CAPZA2: variants seen among roughly 807,000 people sequenced by gnomAD.
CAPZA2 encodes the protein capping actin protein of muscle Z-line subunit alpha 2.
CAPZA2 carries 13 observed loss-of-function variants against 44.0 expected under a neutral mutation model. The observed-to-expected ratio is 0.30, with a 90% CI of 0.19 to 0.47. CAPZA2 has a LOEUF of 0.47. Among genes scored for constraint, CAPZA2 ranks in the 20% least tolerant of loss-of-function variants. The pLI is 1.00. For missense variants in CAPZA2, 244 were observed against 338.6 expected (o/e 0.72, Z 2.19); for synonymous variants, 94 against 108.2 (o/e 0.87, Z 0.81).
chr7:116,911,719 G>A (rs900700785), intron 7 of CAPZA2, among the ~76,000 whole-genome samples: 4 of 152,160 alleles, frequency 2.6e-5, no homozygotes, highest in Non-Finnish European at 5.9e-5. Flanking sequence ...GAATTAAATG[G>A]TTGGTGGAAA....
Position 116,862,626 on chromosome 7 carries a change from G to T in CAPZA2, c.15G>T (p.Glu5Asp). The T allele has an allele frequency of 6.5e-7, 1 of 1,540,284 alleles. No homozygotes were observed. Residue 5 changes from glutamate (E) to aspartate (D), a missense_variant, in exon 1 of 10, where the codon GAG becomes GAT. Glu to Asp is a conservative substitution (Grantham distance 45, BLOSUM62 2). Coordinates refer to ENST00000361183, the MANE Select transcript of CAPZA2 (RefSeq NM_006136.3). Reference protein sequence around the residue: MADLEEQLSDEEKVR... With the variant: MADLDEQLSDEEKVR... ...CCAGAAGGAAGATGGCGGATCTGGAGGAGCAGTTGTCTGATGAAGAGAAGG... is the reference window on the plus strand; with the variant it reads ...CCAGAAGGAAGATGGCGGATCTGGATGAGCAGTTGTCTGATGAAGAGAAGG...
chr7:116,889,464 G>A (rs1017439519), intron 2 of CAPZA2, among the ~76,000 whole-genome samples: 18 of 151,390 alleles, frequency 1.2e-4, no homozygotes, highest in African/African-American at 4.1e-4. Context: ...GCTCACTCCT[G>A]TAATCCCAAC....
intron 1 of CAPZA2, among the ~76,000 whole-genome samples, chr7:116,864,604 G>A (rs569212355): frequency 2.6e-5 from 4 of 152,178 alleles, no homozygotes; most frequent in African/African-American, 7.2e-5. Context: ...AAATTTTAAC[G>A]TTCTTGTCAC....
intron 6 of CAPZA2, among the ~76,000 whole-genome samples, chr7:116,907,909 A>G (rs1469523950): frequency 6.6e-6 from 1 of 152,168 alleles, no homozygotes; most frequent in Admixed American, 6.6e-5. Flanking sequence ...ATATGCTTTG[A>G]TATGATTTTT....
intron 1 of CAPZA2, among the ~76,000 whole-genome samples, chr7:116,877,414 C>T (rs549013555): frequency 2.0e-5 from 3 of 152,194 alleles, no homozygotes; most frequent in African/African-American, 7.2e-5. Flanking sequence ...ATATGGCAAG[C>T]GGGAAGACGA....
intron 1 of CAPZA2, among the ~76,000 whole-genome samples, chr7:116,870,673 A>G (rs894688051): frequency 6.6e-6 from 1 of 152,164 alleles, no homozygotes; most frequent in Admixed American, 6.5e-5. Context: ...ATGAGTCTAG[A>G]TAGATTAGAG....
At chr7:116,913,444 A>G (rs1050212212) in intron 8 of CAPZA2, among the ~76,000 whole-genome samples, 1 of 149,718 alleles carries the variant, frequency 6.7e-6, no homozygotes, top group African/African-American at 2.4e-5. Flanking sequence ...ACTGTATCCT[A>G]TCTTTTCATT....
At chr7:116,914,026 T>A (rs1015642813) in intron 8 of CAPZA2, among the ~76,000 whole-genome samples, 27 of 93,560 alleles carry the variant, frequency 2.9e-4, no homozygotes, top group South Asian at 1.1e-3. Flanking sequence ...TTAAAGAAAA[T>A]TTTTTTTTTT....
At chr7:116,881,466 A>G (rs527594148) in intron 1 of CAPZA2, among the ~76,000 whole-genome samples, 26 of 152,232 alleles carry the variant, frequency 1.7e-4, no homozygotes, top group South Asian at 2.1e-4. Context: ...CAGGCTGGGC[A>G]CAGTGGCTCA....
intron 7 of CAPZA2, among the ~76,000 whole-genome samples, chr7:116,910,990 CAAAAAAAAAAA>C (rs57772383): frequency 5.9e-5 from 3 of 50,608 alleles, no homozygotes; most frequent in Non-Finnish European, 1.2e-4. Flanking sequence ...GACTCCGTCT[CAAAAAAAAAAA>C]AAAAAAAAAA....
rs929094764 is a variant in CAPZA2 at position 116,917,861 on chromosome 7, T to C, written c.855T>C (p.Asn285=). 2.5e-6 allele frequency: 4 copies of C among 1,612,850 alleles called. No individual in the cohort carries two copies. The highest frequency in any genetic ancestry group is 3.4e-6 in the Non-Finnish European group (4 of 1,178,844). Reference sequence around the variant, plus strand: ...ACAAGATTGGCAAAGAGATGCAGAATGCATAAGATGAACATTGCATGACCG... The same window carrying C: ...ACAAGATTGGCAAAGAGATGCAGAACGCATAAGATGAACATTGCATGACCG... ...LSYKIGKEMQ[N]A Residue 285 remains asparagine, a synonymous_variant, in exon 10 of 10, where the codon AAT becomes AAC. Transcript: ENST00000361183.
In CAPZA2 at chr7:116,898,816, T is replaced by A; in HGVS notation, c.200T>A (p.Ile67Asn). 6.3e-7 allele frequency: 1 copy of A among 1,596,726 alleles called. No individual in the cohort carries two copies. Residue 67 changes from isoleucine to asparagine, a missense_variant, in exon 4 of 10, where the codon ATT becomes AAT. Transcript: ENST00000361183. ...YNLDQFTPVK[I>N]EGYEDQVLIT... ...TTGGACCAGTTTACTCCAGTAAAAATTGAAGGTTATGAAGATCAGGTATGT... is the reference window on the plus strand; with the variant it reads ...TTGGACCAGTTTACTCCAGTAAAAAATGAAGGTTATGAAGATCAGGTATGT...
At chr7:116,863,006 A>G (rs1412665228) in intron 1 of CAPZA2, among the ~76,000 whole-genome samples, 11 of 152,006 alleles carry the variant, frequency 7.2e-5, no homozygotes, top group Admixed American at 7.2e-4. Flanking sequence ...GGGGCCGGGG[A>G]CCGGGGACCA....
intron 9 of CAPZA2, 47 bp from the exon 10 acceptor site, chr7:116,917,680 T>G: frequency 1.5e-6 from 2 of 1,342,212 alleles, no homozygotes; most frequent in Non-Finnish European, 2.1e-6. Context: ...TTATAAATTG[T>G]TCTGTTCTTT....
intron 3 of CAPZA2, among the ~76,000 whole-genome samples, chr7:116,897,405 A>C (rs1381099175): frequency 6.6e-6 from 1 of 152,152 alleles, no homozygotes; most frequent in South Asian, 2.1e-4. Context: ...AGCATGTAGT[A>C]TCAAGAATTT....
intron 6 of CAPZA2, 160 bp from the exon 7 acceptor site, chr7:116,910,073 C>T (rs1791570712): frequency 4.7e-6 from 3 of 642,944 alleles, no homozygotes; most frequent in Non-Finnish European, 8.5e-6. Flanking sequence ...CTGGACTTAA[C>T]CTTTTGATTA....
At chr7:116,906,391 T>G (rs1366711730) in intron 6 of CAPZA2, 49 bp downstream of exon 6, 1 of 1,589,554 alleles carries the variant, frequency 6.3e-7, no homozygotes, top group East Asian at 2.3e-5. Context: ...GTTTTAAGTC[T>G]TTGTAGTTCT....
At chr7:116,868,883 C>T (rs1796514915) in intron 1 of CAPZA2, among the ~76,000 whole-genome samples, 2 of 152,092 alleles carry the variant, frequency 1.3e-5, no homozygotes, top group African/African-American at 4.8e-5. Context: ...CAGACAGGAA[C>T]TTGATAGCAG....
chr7:116,894,832 C>T (rs1362033296), intron 3 of CAPZA2, among the ~76,000 whole-genome samples: 2 of 152,112 alleles, frequency 1.3e-5, no homozygotes, highest in East Asian at 3.9e-4. Context: ...GTCAGAATTT[C>T]CTTCCTTTTT....
Sources: gnomAD v4.1 joint callset for allele counts (sites outside exome capture counted in the v4.1 genomes callset) on GRCh38, gnomAD v4.1.1 for gene constraint, MANE v1.5 for transcripts, NCBI Gene and HGNC (gene_info 2026-07-23, HGNC 2026-07-21) for gene names.